ABCB10: variants seen among roughly 807,000 people sequenced by gnomAD.
ABCB10 encodes the protein ATP-binding cassette sub-family B member 10, mitochondrial.
ABCB10 carries 54 observed loss-of-function variants against 65.4 expected under a neutral mutation model. The observed-to-expected ratio is 0.83, with a 90% confidence interval of 0.66 to 1.04. ABCB10 has a LOEUF of 1.04. ABCB10 is among the 50% of genes least tolerant of loss of function. The pLI, the probability that ABCB10 is intolerant of heterozygous loss-of-function variation, is 0.00. For synonymous variants in ABCB10, 418 were observed against 406.5 expected, an observed-to-expected ratio of 1.03 and a Z score of -0.34; for missense variants, 846 against 976.6, an observed-to-expected ratio of 0.87 and a Z score of 1.78.
Position 229,558,235 on chromosome 1 carries a change from G to A in ABCB10, c.418C>T (p.Pro140Ser), listed in dbSNP as rs1338246361. 1 of 1,353,082 alleles carries A rather than the reference G, an allele frequency of 7.4e-7. No individual in the cohort carries two copies. The highest frequency in any genetic ancestry group is 9.5e-7 in the Non-Finnish European group (1 of 1,055,466). The allele number at this position is 1,353,082 out of a possible 1,614,324, so 83.8% of individuals were successfully genotyped here. ...DEAWRRGPAA[P>S]PGDKGRLRPA... ...CGCAGCCGCCCCTTGTCCCCGGGAG[G>A]CGCCGCCGGCCCGCGCCGCCAGGCC... is the stretch of plus-strand genomic sequence containing the variant. Residue 140 changes from proline (P) to serine (S), a missense_variant, in exon 1 of 13, where the codon CCT (proline) becomes TCT (serine). By Grantham distance (74) the Pro-to-Ser change is moderately conservative. Coordinates refer to ENST00000344517, the MANE Select transcript of ABCB10 (RefSeq NM_012089.3).
chr1:229,531,622 A>C lies in ABCB10; in HGVS notation c.1435+14T>G. 1 of 1,612,814 alleles carries C rather than the reference A, an allele frequency of 6.2e-7. No individual in the cohort carries two copies. Among genetic ancestry groups the C allele is most frequent in the Non-Finnish European group, 8.5e-7 (1 of 1,179,376 alleles). On this transcript the variant is annotated intron_variant, in intron 7 of 12. Transcript: ENST00000344517. The stretch of plus-strand genomic sequence containing the variant: ...ATTTGTTAATCCTAGCAAAGAAACA[A>C]TTTTCAGACCCACCGTTAAAAGGCA...
At chr1:229,550,830 C>G (rs1571978706) in intron 1 of ABCB10, among the ~76,000 whole-genome samples, 4 of 151,726 alleles carry the variant, frequency 2.6e-5, no homozygotes, top group African/African-American at 9.7e-5. Flanking sequence ...TGCTGCTACA[C>G]TCCAGCCTGG....
chr1:229,529,178 A>G (rs1301257982), intron 8 of ABCB10, among the ~76,000 whole-genome samples: 1 of 150,860 alleles, frequency 6.6e-6, no homozygotes, highest in Non-Finnish European at 1.5e-5. Context: ...CTGTGGTCCC[A>G]GCTACTCGGG....
At chr1:229,542,178 A>G in intron 4 of ABCB10, 59 bp downstream of exon 4, 1 of 1,584,866 alleles carries the variant, frequency 6.3e-7, no homozygotes, top group Non-Finnish European at 8.6e-7. Context: ...TCTGCCCTCT[A>G]GGATCCTGGC....
chr1:229,545,897 C>T (rs950642113), intron 3 of ABCB10, among the ~76,000 whole-genome samples: 2 of 152,178 alleles, frequency 1.3e-5, no homozygotes, highest in African/African-American at 4.8e-5. Flanking sequence ...ATGAGCCGGG[C>T]GCAGTGGCTC....
chr1:229,523,834 A>C (rs1283982183), intron 10 of ABCB10, among the ~76,000 whole-genome samples: 1 of 152,042 alleles, frequency 6.6e-6, no homozygotes, highest in Non-Finnish European at 1.5e-5. Flanking sequence ...CAATAATTTC[A>C]CCACGAGCAG....
chr1:229,526,641 G>A lies in ABCB10; in HGVS notation c.1726-525C>T, dbSNP rs150227396. The stretch of plus-strand genomic sequence containing the variant: ...GGAGAGGATGAGCTAATCACAAAGA[G>A]AGGTTCAGAAATGGGGGGAGGCTCA... On this transcript the variant is annotated intron_variant, in intron 9 of 12. Coordinates refer to ENST00000344517, the MANE Select transcript of ABCB10 (RefSeq NM_012089.3). 1.1e-3 allele frequency among the ~76,000 whole-genome samples: 168 copies of A among 152,352 alleles called. 1 individual carries two copies. The highest frequency in any genetic ancestry group is 3.9e-3 in the African/African-American group (161 of 41,576).
intron 6 of ABCB10, chr1:229,534,967 G>C (rs1169712822): frequency 6.7e-6 from 1 of 148,580 alleles, no homozygotes; most frequent in African/African-American, 2.5e-5. Context: ...TTGAGCCCGG[G>C]AGGTGGAGGT....
intron 8 of ABCB10, among the ~76,000 whole-genome samples, chr1:229,529,317 A>G (rs1180752680): frequency 2.1e-5 from 3 of 143,636 alleles, no homozygotes; most frequent in Non-Finnish European, 4.5e-5. Context: ...AAAAAAAAAA[A>G]AAAAAAAAAA....
At position 229,558,675 on chromosome 1, in the gene ABCB10, C is replaced by T. The variant is rs72559415; in HGVS notation, c.-23G>A. 4.9e-3 allele frequency: 6,285 copies of T among 1,270,918 alleles called. 27 individuals carry two copies. Among genetic ancestry groups the T allele is most frequent in the Non-Finnish European group, 5.7e-3 (5,764 of 1,010,322 alleles). The allele number at this position is 1,270,918 out of a possible 1,614,324, so 78.7% of individuals were successfully genotyped here. A position where few individuals can be genotyped will look rare whatever the true frequency, so the allele number is the denominator to read the frequency against. On this transcript the variant is annotated 5_prime_UTR_variant, in exon 1 of 13. Transcript: ENST00000344517. ...CATGGCGCTGCGTGCGACCCGTACG[C>T]CTCAGCCCGCCGGCCAGGCGCGCGC...
rs774040875 is a variant in ABCB10, at chr1:229,542,288, A to C, written c.1005T>G (p.Tyr335Ter). 1.3e-5 allele frequency: 21 copies of C among 1,614,028 alleles called. No homozygotes were observed. The highest frequency in any genetic ancestry group is 5.3e-5 in the African/African-American group (4 of 74,910). The change falls in exon 4 of 13, where the codon TAT (tyrosine) becomes TAG (stop). Residue 335 changes from tyrosine (Y) to a stop codon, truncating the protein, a stop_gained. Coordinates refer to ENST00000344517, the MANE Select transcript of ABCB10 (RefSeq NM_012089.3). LOFTEE classifies it high-confidence loss of function. ...VSIIAVIYGR[Y>*]LRKLTKVTQD... ...GAGTGACTTTGGTCAGTTTCCGTAG[A>C]TATCGCCCATAAATTACAGCAATGA...
intron 5 of ABCB10, 76 bp from the exon 6 acceptor site, chr1:229,539,667 A>G (rs1055108073): frequency 6.7e-7 from 1 of 1,502,244 alleles, no homozygotes; most frequent in African/African-American, 1.4e-5. Context: ...CACGGCCTGT[A>G]ATGTCCCTTT....
intron 10 of ABCB10, among the ~76,000 whole-genome samples, chr1:229,521,903 G>A (rs899589235): frequency 6.6e-6 from 1 of 152,176 alleles, no homozygotes; most frequent in African/African-American, 2.4e-5. Context: ...GCCTCACTCT[G>A]TCACCCATGC....
chr1:229,531,632 C>G lies in ABCB10; in HGVS notation c.1435+4G>C. 2 of 1,613,466 alleles carry G rather than the reference C, an allele frequency of 1.2e-6. No individual in the cohort carries two copies. ...CCTAGCAAAGAAACAATTTTCAGAC[C>G]CACCGTTAAAAGGCAGCTTGGGCTC... On this transcript the variant is annotated splice_donor_region_variant and intron_variant, in intron 7 of 12. Coordinates refer to ENST00000344517, the MANE Select transcript of ABCB10 (RefSeq NM_012089.3).
chr1:229,540,655 A>G lies in ABCB10; in HGVS notation c.1154T>C (p.Met385Thr). The G allele has an allele frequency of 1.2e-6, 2 of 1,612,620 alleles. No homozygotes were observed. The highest frequency in any genetic ancestry group is 1.7e-6 in the Non-Finnish European group (2 of 1,180,022). ...EKYASKVDHVMQLARKEAFAR... is the reference protein window; with the variant it reads ...EKYASKVDHVTQLARKEAFAR... ...GAATGCCTCTTTCCTTGCTAACTGCATTACATGGTCCACTTTGCTGGCATA... is the reference window on the plus strand; with the variant it reads ...GAATGCCTCTTTCCTTGCTAACTGCGTTACATGGTCCACTTTGCTGGCATA... Residue 385 changes from methionine (M) to threonine (T), a missense_variant, in exon 5 of 13, where the codon ATG becomes ACG. This residue lies in a region of ABCB10 where 632 missense variants were observed against 803.2 expected (regional missense o/e 0.79). Coordinates refer to ENST00000344517, the MANE Select transcript of ABCB10 (RefSeq NM_012089.3).
intron 4 of ABCB10, among the ~76,000 whole-genome samples, chr1:229,541,765 T>C (rs1662851294): frequency 6.6e-6 from 1 of 151,768 alleles, no homozygotes; most frequent in African/African-American, 2.4e-5. Context: ...CACAGTAAGA[T>C]CATGTCTCTA....
Position 229,542,355 on chromosome 1 carries a change from T to G in ABCB10, c.938A>C (p.Asn313Thr), listed in dbSNP as rs200265567. 9 of 1,612,266 alleles carry G rather than the reference T, an allele frequency of 5.6e-6. No homozygotes were observed. Among genetic ancestry groups the G allele is most frequent in the African/African-American group, 5.3e-5 (4 of 74,874 alleles). Residue 313 changes from asparagine to threonine, a missense_variant, in exon 4 of 13, where the codon AAT (asparagine) becomes ACT (threonine). This residue lies in a region of ABCB10 where 632 missense variants were observed against 803.2 expected (regional missense o/e 0.79). Transcript: ENST00000344517. The part of the protein sequence containing the change: ...GISMMFFVSP[N>T]LATFVLSVVP... ...CACGCTCAAAACAAAGGTGGCCAGATTAGGTGAGACAAAAAACTGTCAAAA... is the reference window on the plus strand; with the variant it reads ...CACGCTCAAAACAAAGGTGGCCAGAGTAGGTGAGACAAAAAACTGTCAAAA...
At position 229,542,269 on chromosome 1, in the gene ABCB10, CTT is replaced by C; in HGVS notation, c.1022_1023del (p.Lys341SerfsTer14). ...IYGRYLRKLT[K>X]VTQDSLAQAT... ...GCTTGTGCCAGGGAATCCTGAGTGA[CTT>C]TGGTCAGTTTCCGTAGATATCGCCC... On this transcript the variant is annotated frameshift_variant, in exon 4 of 13. Coordinates refer to ENST00000344517, the MANE Select transcript of ABCB10 (RefSeq NM_012089.3). LOFTEE classifies it high-confidence loss of function. The C allele has an allele frequency of 6.2e-7, 1 of 1,614,080 alleles. No individual in the cohort carries two copies. The highest frequency in any genetic ancestry group is 8.5e-7 in the Non-Finnish European group (1 of 1,180,012).
In ABCB10 at chr1:229,539,489, T is replaced by C. The variant is rs375758793; in HGVS notation, c.1306A>G (p.Met436Val). The C allele has an allele frequency of 1.2e-6, 2 of 1,613,856 alleles. No individual in the cohort carries two copies. Among genetic ancestry groups the C allele is most frequent in the South Asian group, 1.1e-5 (1 of 91,082 alleles). ...CTTATTCCAACCCAGAAAGCATACA[T>C]TAGGAAGGAAGAGAGTTCACCCACG... ...MTVGELSSFL[M>V]YAFWVGISIG... Residue 436 changes from methionine (M) to valine (V), a missense_variant, in exon 6 of 13, where the codon ATG becomes GTG. This residue lies in a region of ABCB10 where 632 missense variants were observed against 803.2 expected (regional missense o/e 0.79). Transcript: ENST00000344517.
Sources: gnomAD v4.1 joint callset for allele counts (sites outside exome capture counted in the v4.1 genomes callset) on GRCh38, gnomAD v4.1.1 for gene constraint, gnomAD v4.1.1 regional missense constraint, MANE v1.5 for transcripts, NCBI Gene and HGNC (gene_info 2026-07-23, HGNC 2026-07-21) for gene names.